The following PRKCB variants were observed in gnomAD, a reference collection of about 807,000 sequenced individuals.
The protein encoded by PRKCB is protein kinase C beta.
PRKCB carries 13 observed loss-of-function variants against 81.5 expected under a neutral mutation model. That is an observed-to-expected ratio of 0.16 (90% CI 0.10 to 0.25). The LOEUF is 0.25. Ranked by LOEUF, PRKCB falls within the 10% of genes least tolerant of loss-of-function variation. The probability of loss-of-function intolerance (pLI) is 1.00; values close to 1 mark genes in which losing one functional copy is unlikely to be tolerated. For synonymous variants in PRKCB, 335 were observed against 321.4 expected (o/e 1.04, Z -0.45); for missense variants, 509 against 875.7 (o/e 0.58, Z 5.29).
rs58458568 is a variant in PRKCB, at chr16:23,911,826, A to AT, written c.205+74444dup. ...TTGTCCTGGGATATGCGCGACCCAC[A>AT]TTTTTTTTTTTTTTTTTTTTTTTTG... On this transcript the variant is annotated intron_variant, in intron 2 of 16. Coordinates refer to ENST00000643927, the MANE Select transcript of PRKCB (RefSeq NM_002738.7). Among the ~76,000 whole-genome samples, 283 of 57,422 alleles carry AT rather than the reference A, an allele frequency of 4.9e-3. 2 individuals carry two copies. Among genetic ancestry groups the AT allele is most frequent in the Non-Finnish European group, 8.2e-3 (236 of 28,800 alleles). 37.7% of individuals were successfully genotyped at this position (57,422 alleles called of 152,430 possible).
chr16:23,973,993 T>G (rs1964592497), intron 2 of PRKCB, among the ~76,000 whole-genome samples: 1 of 152,150 alleles, frequency 6.6e-6, no homozygotes, highest in Non-Finnish European at 1.5e-5. Flanking sequence ...TAATCTGATA[T>G]CTGAAGGATG....
chr16:24,103,553 C>G (rs1352706826), intron 7 of PRKCB, among the ~76,000 whole-genome samples: 1 of 151,980 alleles, frequency 6.6e-6, no homozygotes, highest in African/African-American at 2.4e-5. Context: ...AAAGAATAAA[C>G]CTTTTTTCAA....
intron 9 of PRKCB, chr16:24,151,598 A>G (rs557908329): frequency 5.4e-4 from 189 of 347,302 alleles, no homozygotes; most frequent in African/African-American, 3.7e-3. Context: ...TCCAGATTAG[A>G]GGAGGAGATA....
chr16:24,142,079 C>G (rs559022174), intron 9 of PRKCB, among the ~76,000 whole-genome samples: 50 of 152,262 alleles, frequency 3.3e-4, no homozygotes, highest in African/African-American at 1.2e-3. Context: ...CAACAACCTT[C>G]TGAGGGAGAA....
At chr16:24,145,328 A>C (rs893991030) in intron 9 of PRKCB, among the ~76,000 whole-genome samples, 1 of 152,218 alleles carries the variant, frequency 6.6e-6, no homozygotes, top group Admixed American at 6.5e-5. Context: ...CCTGTAATCC[A>C]GCACTTTGGG....
intron 8 of PRKCB, among the ~76,000 whole-genome samples, chr16:24,116,500 T>C (rs1055106400): frequency 1.3e-5 from 2 of 152,216 alleles, no homozygotes; most frequent in Non-Finnish European, 1.5e-5. Context: ...AAGATAGTGA[T>C]AGTTCTGACC....
intron 5 of PRKCB, among the ~76,000 whole-genome samples, chr16:24,063,440 G>A (rs138846729): frequency 4.6e-5 from 7 of 151,958 alleles, no homozygotes; most frequent in South Asian, 4.2e-4. Context: ...GATTACAGGC[G>A]TGTGCCACCA....
intron 2 of PRKCB, among the ~76,000 whole-genome samples, chr16:23,864,826 C>T (rs756599542): frequency 6.6e-6 from 1 of 151,890 alleles, no homozygotes; most frequent in Non-Finnish European, 1.5e-5. Flanking sequence ...TTCTATTGGT[C>T]GCGCCACTCA....
intron 7 of PRKCB, among the ~76,000 whole-genome samples, chr16:24,102,388 C>G (rs1010620620): frequency 6.6e-6 from 1 of 152,196 alleles, no homozygotes; most frequent in African/African-American, 2.4e-5. Context: ...TGGACCAGAT[C>G]CTAGACATTT....
intron 3 of PRKCB, among the ~76,000 whole-genome samples, chr16:24,006,865 T>A (rs1965129999): frequency 1.3e-5 from 2 of 152,326 alleles, no homozygotes; most frequent in South Asian, 4.1e-4. Flanking sequence ...AAGGCACAGA[T>A]GTTGCGCCAA....
At chr16:23,900,594 T>A (rs1402496796) in intron 2 of PRKCB, among the ~76,000 whole-genome samples, 1 of 145,596 alleles carries the variant, frequency 6.9e-6, no homozygotes, top group Non-Finnish European at 1.5e-5. Flanking sequence ...CTTATACCCT[T>A]AGTAGCACCT....
intron 2 of PRKCB, among the ~76,000 whole-genome samples, chr16:23,922,572 G>A (rs752196743): frequency 6.6e-6 from 1 of 152,202 alleles, no homozygotes; most frequent in African/African-American, 2.4e-5. Flanking sequence ...ATGTGAAAGA[G>A]CTATGATACA....
intron 3 of PRKCB, among the ~76,000 whole-genome samples, chr16:24,025,984 G>A (rs11865801): frequency 0.21 from 32,471 of 152,066 alleles, 3,963 homozygotes; most frequent in South Asian, 0.37. Context: ...GACACCCAGC[G>A]TACACATGTA....
chr16:23,967,863 G>T (rs1008962914), intron 2 of PRKCB, among the ~76,000 whole-genome samples: 1 of 152,212 alleles, frequency 6.6e-6, no homozygotes, highest in Non-Finnish European at 1.5e-5. Context: ...TTGTTGGCCA[G>T]GTTGGCCTTG....
chr16:23,904,473 G>A (rs1056941155), intron 2 of PRKCB, among the ~76,000 whole-genome samples: 6 of 152,114 alleles, frequency 3.9e-5, no homozygotes, highest in Non-Finnish European at 7.3e-5. Flanking sequence ...GACCAGCCTG[G>A]CCAACATGGC....
At chr16:23,883,674 G>A (rs1963157304) in intron 2 of PRKCB, among the ~76,000 whole-genome samples, 1 of 152,198 alleles carries the variant, frequency 6.6e-6, no homozygotes, top group Admixed American at 6.5e-5. Flanking sequence ...CAGAGGGAGA[G>A]ACACAGGCAG....
intron 10 of PRKCB, among the ~76,000 whole-genome samples, chr16:24,163,730 G>A (rs1399232719): frequency 6.6e-6 from 1 of 152,222 alleles, no homozygotes; most frequent in Non-Finnish European, 1.5e-5. Context: ...CACTTACTTG[G>A]GTAAGGCTTT....
chr16:24,053,125 A>G (rs897655142), intron 5 of PRKCB, among the ~76,000 whole-genome samples: 1 of 152,176 alleles, frequency 6.6e-6, no homozygotes. Flanking sequence ...TGATCCCTCT[A>G]GTTCTCTTCC....
chr16:24,036,419 G>C (rs558103865), intron 5 of PRKCB, among the ~76,000 whole-genome samples: 18 of 152,290 alleles, frequency 1.2e-4, no homozygotes, highest in African/African-American at 4.3e-4. Flanking sequence ...TCAAAGGCTA[G>C]TGACAAACTA....
Sources: allele counts gnomAD v4.1 joint callset (sites outside exome capture counted in the v4.1 genomes callset), GRCh38; gene constraint gnomAD v4.1.1; transcripts MANE v1.5; gene names NCBI Gene and HGNC (gene_info 2026-07-23, HGNC 2026-07-21).